The following GSE1 variants were observed in gnomAD, a reference collection of about 807,000 sequenced individuals.
The protein encoded by GSE1 is genetic suppressor element 1.
In GSE1, 32 loss-of-function variants were observed where a neutral mutation model predicts 112.6. The observed-to-expected ratio is 0.28, with a 90% CI of 0.21 to 0.38. The LOEUF (loss-of-function observed/expected upper bound fraction) is 0.38. Ranked by LOEUF, GSE1 falls within the 10% of genes least tolerant of loss-of-function variation. The pLI, the probability that GSE1 is intolerant of heterozygous loss-of-function variation, is 1.00. For missense variants in GSE1, 2,348 were observed against 1,699.2 expected (o/e 1.38, Z -6.71); for synonymous variants, 1,115 against 735.6 (o/e 1.52, Z -8.35).
At chr16:85,585,675 C>CTGCAT (rs2046659177) in intron 1 of GSE1, among the ~76,000 whole-genome samples, 1 of 152,248 alleles carries the variant, frequency 6.6e-6, no homozygotes, top group Admixed American at 6.5e-5. Context: ...GGAACTCTTC[C>CTGCAT]TGCATGGCCA....
chr16:85,611,514 G>A, upstream of GSE1: 2 of 981,878 alleles, frequency 2.0e-6, no homozygotes, highest in South Asian at 9.4e-5. Flanking sequence ...CCGTGCCAGG[G>A]CCGGCCAGCG....
chr16:85,651,069 G>A lies in GSE1; in HGVS notation c.426+2318G>A, dbSNP rs1391324049. Among the ~76,000 whole-genome samples, 7 of 22,300 alleles carry A rather than the reference G, an allele frequency of 3.1e-4. No individual in the cohort carries two copies. The East Asian group carries it at 8.3e-3, about 27-fold the overall frequency. The allele number at this position is 22,300 out of a possible 152,430, so 14.6% of individuals were successfully genotyped here. A position where few individuals can be genotyped will look rare whatever the true frequency, so the allele number is the denominator to read the frequency against. ...CCGCCCCTCCTCCCCCTCCCCCTCC[G>A]CCCCTCCTCCCCCTCCCCCTCCGCC... is the stretch of plus-strand genomic sequence containing the variant. On this transcript the variant is annotated intron_variant, in intron 3 of 15. Coordinates refer to ENST00000253458, the MANE Select transcript of GSE1 (RefSeq NM_014615.5).
chr16:85,235,118 T>C (rs1284828707), intron 1 of GSE1, among the ~76,000 whole-genome samples: 1 of 151,818 alleles, frequency 6.6e-6, no homozygotes, highest in Admixed American at 6.5e-5. Context: ...GGCCCCAGAC[T>C]CCTCACCGCT....
chr16:85,438,447 C>T (rs564768646), intron 2 of GSE1, among the ~76,000 whole-genome samples: 1 of 152,294 alleles, frequency 6.6e-6, no homozygotes, highest in East Asian at 1.9e-4. Context: ...CATCAGCTGC[C>T]GCCTGGAGAG....
intron 1 of GSE1, among the ~76,000 whole-genome samples, chr16:85,208,726 G>A (rs2143633400): frequency 6.6e-6 from 1 of 151,656 alleles, no homozygotes; most frequent in East Asian, 1.9e-4. Flanking sequence ...AGCCTGGGCC[G>A]CAGTTGACTG....
chr16:85,247,888 G>T (rs773283746), intron 1 of GSE1, among the ~76,000 whole-genome samples: 11 of 152,222 alleles, frequency 7.2e-5, no homozygotes, highest in Admixed American at 6.5e-4. Flanking sequence ...GCACCTGAAG[G>T]CCCTTTCTGC....
intron 1 of GSE1, among the ~76,000 whole-genome samples, chr16:85,571,815 G>A (rs2045994037): frequency 6.6e-6 from 1 of 152,130 alleles, no homozygotes; most frequent in Admixed American, 6.5e-5. Flanking sequence ...GCCCAGGGAG[G>A]AGCTGGCAGC....
intron 2 of GSE1, among the ~76,000 whole-genome samples, chr16:85,496,912 T>TC (rs386385304): frequency 6.6e-6 from 1 of 151,454 alleles, no homozygotes; most frequent in African/African-American, 2.4e-5. Flanking sequence ...TGTTTTTTTT[T>TC]TCTTGAAATG....
intron 2 of GSE1, among the ~76,000 whole-genome samples, chr16:85,396,333 AT>A (rs1328237431): frequency 2.0e-5 from 3 of 152,224 alleles, no homozygotes; most frequent in African/African-American, 7.2e-5. Flanking sequence ...GACAGGAAAT[AT>A]TAGGCCGTGG....
rs540306366 is a variant in GSE1 at position 85,297,346 on chromosome 16, A to G, written c.2284-60117A>G. Among the ~76,000 whole-genome samples, 23 of 150,372 alleles carry G rather than the reference A, an allele frequency of 1.5e-4. No homozygotes were observed. The South Asian group carries it at 3.7e-3, about 24-fold the overall frequency. On this transcript the variant is annotated intron_variant, in intron 1 of 2. Transcript: ENST00000637419. ...AGGGTAGGGGCAGCAGACGAACTCCAGAGATAGGAACCTTCTTAGCCAGAG... is the reference window on the plus strand; with the variant it reads ...AGGGTAGGGGCAGCAGACGAACTCCGGAGATAGGAACCTTCTTAGCCAGAG...
chr16:85,326,396 G>C (rs1430377015), intron 1 of GSE1, among the ~76,000 whole-genome samples: 1 of 152,212 alleles, frequency 6.6e-6, no homozygotes, highest in Non-Finnish European at 1.5e-5. Context: ...CTGTGATATG[G>C]TTTGGCCGTG....
At chr16:85,576,185 C>T (rs1283424749) in intron 1 of GSE1, among the ~76,000 whole-genome samples, 1 of 152,136 alleles carries the variant, frequency 6.6e-6, no homozygotes, top group African/African-American at 2.4e-5. Flanking sequence ...TGTTAAGAGG[C>T]CAGCTTTTAC....
chr16:85,454,104 T>C (rs866710229), intron 2 of GSE1, among the ~76,000 whole-genome samples: 1 of 152,060 alleles, frequency 6.6e-6, no homozygotes, highest in Non-Finnish European at 1.5e-5. Context: ...GTGGGGAGAA[T>C]ATAACCAAGG....
At chr16:85,641,638 T>C (rs1187118713) in intron 2 of GSE1, among the ~76,000 whole-genome samples, 2 of 152,208 alleles carry the variant, frequency 1.3e-5, no homozygotes, top group African/African-American at 4.8e-5. Flanking sequence ...CTCCAGAAGG[T>C]TTCCCAGCCT....
chr16:85,654,179 A>G (rs1457280696), intron 3 of GSE1, 99 bp from the exon 4 acceptor site: 5 of 1,104,898 alleles, frequency 4.5e-6, no homozygotes, highest in East Asian at 2.6e-5. Flanking sequence ...AACATGAACT[A>G]AATCTAGCGC....
chr16:85,590,329 T>G (rs1165523584), intron 1 of GSE1, among the ~76,000 whole-genome samples: 3 of 147,852 alleles, frequency 2.0e-5, no homozygotes, highest in Admixed American at 6.7e-5. Context: ...TGAATGTGAG[T>G]GTGTGTGATT....
At chr16:85,423,007 A>AGTCC (rs2151743509) in intron 2 of GSE1, among the ~76,000 whole-genome samples, 1 of 151,954 alleles carries the variant, frequency 6.6e-6, no homozygotes, top group Admixed American at 6.6e-5. Context: ...AAACACCACT[A>AGTCC]CTCCCAGCCC....
At chr16:85,606,347 G>A (rs1351430073) in intron 1 of GSE1, among the ~76,000 whole-genome samples, 1 of 152,234 alleles carries the variant, frequency 6.6e-6, no homozygotes, top group Admixed American at 6.5e-5. Context: ...GCGCTGGGAA[G>A]GCAGGGCGGA....
intron 2 of GSE1, among the ~76,000 whole-genome samples, chr16:85,529,791 G>T (rs1313582086): frequency 3.3e-5 from 5 of 152,232 alleles, no homozygotes; most frequent in African/African-American, 1.2e-4. Flanking sequence ...GAGGAGGTTT[G>T]CCAGAAAGGC....
Sources: allele counts gnomAD v4.1 joint callset (sites outside exome capture counted in the v4.1 genomes callset), GRCh38; gene constraint gnomAD v4.1.1; transcripts MANE v1.5; gene names NCBI Gene and HGNC (gene_info 2026-07-23, HGNC 2026-07-21).